Variants in CTIF observed in about 807,000 individuals in gnomAD.
The protein encoded by CTIF is CBP80/20-dependent translation initiation factor.
A neutral mutation model predicts 66.0 loss-of-function variants in CTIF; 21 were observed. The observed-to-expected ratio is 0.32, with a 90% confidence interval of 0.23 to 0.46. The LOEUF is 0.46. Among genes scored for constraint, CTIF ranks in the 20% least tolerant of loss-of-function variants. The pLI, the probability that CTIF is intolerant of heterozygous loss-of-function variation, is 1.00. For missense variants in CTIF, 739 were observed against 812.7 expected, an observed-to-expected ratio of 0.91 and a Z score of 1.10; for synonymous variants, 345 against 326.4, an observed-to-expected ratio of 1.06 and a Z score of -0.62.
intron 6 of CTIF, among the ~76,000 whole-genome samples, chr18:48,677,939 T>G (rs752470633): frequency 6.6e-6 from 1 of 152,160 alleles, no homozygotes; most frequent in Non-Finnish European, 1.5e-5. Context: ...GTCTCACAAA[T>G]ACCCTGGGAA....
At chr18:48,791,870 C>A (rs2067800754) in intron 9 of CTIF, among the ~76,000 whole-genome samples, 1 of 152,172 alleles carries the variant, frequency 6.6e-6, no homozygotes, top group African/African-American at 2.4e-5. Flanking sequence ...TTCTTAGTGT[C>A]ATCTCTTGGG....
chr18:48,554,084 C>T (rs1176566271), intron 1 of CTIF, among the ~76,000 whole-genome samples: 1 of 152,182 alleles, frequency 6.6e-6, no homozygotes, highest in Non-Finnish European at 1.5e-5. Context: ...CACCCAGCTG[C>T]TGTGGTGGAG....
At chr18:48,687,350 A>ACACACACC (rs36006904) in intron 6 of CTIF, among the ~76,000 whole-genome samples, 2 of 147,060 alleles carry the variant, frequency 1.4e-5, no homozygotes, top group East Asian at 2.0e-4. Flanking sequence ...ACACACACAC[A>ACACACACC]CCAAGCTTAC....
At position 48,817,859 on chromosome 18, in the gene CTIF, C is replaced by T. The variant is rs118039828; in HGVS notation, c.1527+483C>T. 6.0e-3 allele frequency among the ~76,000 whole-genome samples: 908 copies of T among 152,138 alleles called. 5 individuals are homozygous for T. The highest frequency in any genetic ancestry group is 9.8e-3 in the Non-Finnish European group (666 of 68,002). On this transcript the variant is annotated intron_variant, in intron 10 of 11. Transcript: ENST00000256413. ...TGCTCCCCAAAGCCAGGTCTTTCTT[C>T]GTTGGGTTTATATAAAGGGAACCAG...
intron 9 of CTIF, among the ~76,000 whole-genome samples, chr18:48,766,627 C>T (rs752224752): frequency 1.2e-4 from 18 of 152,208 alleles, no homozygotes; most frequent in Non-Finnish European, 2.5e-4. Context: ...CCAGAGACAC[C>T]GAACTGGTTC....
intron 2 of CTIF, among the ~76,000 whole-genome samples, chr18:48,620,257 A>G (rs973895950): frequency 6.6e-6 from 1 of 152,214 alleles, no homozygotes; most frequent in African/African-American, 2.4e-5. Context: ...ACTTAGACAT[A>G]TGAGGCAATC....
At chr18:48,542,012 ATAG>A (rs1212927223) in intron 1 of CTIF, among the ~76,000 whole-genome samples, 1 of 152,166 alleles carries the variant, frequency 6.6e-6, no homozygotes, top group Non-Finnish European at 1.5e-5. Flanking sequence ...CATTTAATTA[ATAG>A]TGGCCACTTT....
chr18:48,652,574 A>T (rs901514090), intron 3 of CTIF, among the ~76,000 whole-genome samples: 1 of 152,254 alleles, frequency 6.6e-6, no homozygotes, highest in Non-Finnish European at 1.5e-5. Context: ...AGCTGGTACC[A>T]TTCCTTCTGA....
chr18:48,761,432 A>G lies in CTIF; in HGVS notation c.1114A>G (p.Met372Val). 2.5e-6 allele frequency: 4 copies of G among 1,614,072 alleles called. No homozygotes were observed. The highest frequency in any genetic ancestry group is 3.4e-6 in the Non-Finnish European group (4 of 1,180,026). ...VETTTPQQNK[M>V]DKLIEILNSM... ...GACGACCACTCCCCAGCAGAACAAGATGGACAAGCTGATCGAGATCCTGAA... is the reference window on the plus strand; with the variant it reads ...GACGACCACTCCCCAGCAGAACAAGGTGGACAAGCTGATCGAGATCCTGAA... Residue 372 changes from methionine (M) to valine (V), a missense_variant, in exon 9 of 12, where the codon ATG becomes GTG. By Grantham distance (21) the Met-to-Val change is conservative (BLOSUM62 1). Coordinates refer to ENST00000256413, the MANE Select transcript of CTIF (RefSeq NM_014772.3). The surrounding 1 kb of genome is among the most constrained non-coding windows in gnomAD (Gnocchi z 4.2).
At chr18:48,611,670 A>G (rs969901608) in intron 1 of CTIF, among the ~76,000 whole-genome samples, 3 of 152,256 alleles carry the variant, frequency 2.0e-5, no homozygotes, top group African/African-American at 7.2e-5. Flanking sequence ...CATTGTAACA[A>G]GATGCCCTGT....
chr18:48,807,083 G>A (rs930946467), intron 9 of CTIF, among the ~76,000 whole-genome samples: 6 of 152,150 alleles, frequency 3.9e-5, no homozygotes, highest in Admixed American at 3.3e-4. Flanking sequence ...GGCTTGTTTC[G>A]GTTGGCAGAA....
At chr18:48,568,978 C>G (rs2089348593) in intron 1 of CTIF, among the ~76,000 whole-genome samples, 1 of 152,164 alleles carries the variant, frequency 6.6e-6, no homozygotes, top group South Asian at 2.1e-4. Flanking sequence ...ATCAGTTGCT[C>G]TCTTCTGAGG....
At chr18:48,587,075 CTTTT>C (rs778079682) in intron 1 of CTIF, among the ~76,000 whole-genome samples, 4 of 128,026 alleles carry the variant, frequency 3.1e-5, no homozygotes, top group Non-Finnish European at 6.7e-5. Context: ...AAGCCACATT[CTTTT>C]TTTTTTTTTT....
At chr18:48,810,926 A>AT (rs1379272846) in intron 9 of CTIF, among the ~76,000 whole-genome samples, 2 of 151,420 alleles carry the variant, frequency 1.3e-5, no homozygotes, top group Non-Finnish European at 3.0e-5. Flanking sequence ...CCATCCATTT[A>AT]TTTTTTTATA....
chr18:48,719,910 T>C (rs2092316644), intron 7 of CTIF, among the ~76,000 whole-genome samples: 1 of 152,234 alleles, frequency 6.6e-6, no homozygotes, highest in African/African-American at 2.4e-5. Flanking sequence ...TATAGTGCTG[T>C]TGGCCGTGAG....
intron 7 of CTIF, among the ~76,000 whole-genome samples, chr18:48,742,497 G>A (rs541227571): frequency 3.3e-5 from 5 of 152,322 alleles, no homozygotes; most frequent in African/African-American, 9.6e-5. Context: ...TTCTGCATTC[G>A]GGCCTCCTTG....
intron 8 of CTIF, among the ~76,000 whole-genome samples, chr18:48,759,447 T>A (rs745324203): frequency 3.0e-4 from 45 of 152,176 alleles, no homozygotes; most frequent in Non-Finnish European, 5.6e-4. Flanking sequence ...GGATCCACTC[T>A]TGAAGATGAG....
intron 9 of CTIF, among the ~76,000 whole-genome samples, chr18:48,805,867 C>T (rs374257504): frequency 3.9e-5 from 6 of 152,378 alleles, no homozygotes; most frequent in East Asian, 3.9e-4. Context: ...TGTCTGACCA[C>T]GTACCGTGGG....
rs1350443930 is a variant in CTIF at position 48,636,628 on chromosome 18, C to T, written c.195C>T (p.Cys65=). ...QSHISQWTAD[C]SEPLDSSCSF... The stretch of plus-strand genomic sequence containing the variant: ...CTGTTCTGCAGTGGACAGCGGACTG[C>T]AGCGAACCGCTGGACAGCAGCTGTT... The change falls in exon 3 of 12, where the codon TGC becomes TGT. Residue 65 remains cysteine (C), a synonymous_variant. Coordinates refer to ENST00000256413, the MANE Select transcript of CTIF (RefSeq NM_014772.3). The T allele has an allele frequency of 1.9e-6, 3 of 1,588,128 alleles. No homozygotes were observed. Among genetic ancestry groups the T allele is most frequent in the South Asian group, 1.2e-5 (1 of 86,544 alleles).
Sources: gnomAD v4.1 joint callset for allele counts (sites outside exome capture counted in the v4.1 genomes callset) on GRCh38, gnomAD v4.1.1 for gene constraint, Gnocchi (gnomAD v3.1) non-coding constraint, MANE v1.5 for transcripts, NCBI Gene and HGNC (gene_info 2026-07-23, HGNC 2026-07-21) for gene names.